PLXNA4: variants seen among roughly 807,000 people sequenced by gnomAD.
PLXNA4 encodes plexin-A4.
In PLXNA4, 44 loss-of-function variants were observed where a neutral mutation model predicts 191.8. That is an observed-to-expected ratio of 0.23 (90% CI 0.18 to 0.29). PLXNA4 has a LOEUF of 0.29. PLXNA4 is among the 10% of genes least tolerant of loss of function. The pLI is 1.00. For synonymous variants in PLXNA4, 1,082 were observed against 1,009.5 expected (o/e 1.07, Z -1.36); for missense variants, 1,800 against 2,488.8 (o/e 0.72, Z 5.89).
At chr7:132,135,684 CAG>C (rs1297414637) in intron 30 of PLXNA4, among the ~76,000 whole-genome samples, 1 of 152,206 alleles carries the variant, frequency 6.6e-6, no homozygotes, top group Non-Finnish European at 1.5e-5. Context: ...GTGAGAAAGA[CAG>C]AGAGAGCTGC....
At chr7:132,162,093 T>G (rs1335298801) in intron 24 of PLXNA4, among the ~76,000 whole-genome samples, 1 of 152,204 alleles carries the variant, frequency 6.6e-6, no homozygotes, top group African/African-American at 2.4e-5. Flanking sequence ...AAGGCTACTT[T>G]TAGCAGGTCC....
intron 4 of PLXNA4, among the ~76,000 whole-genome samples, chr7:132,261,103 G>T (rs1179920920): frequency 1.3e-5 from 2 of 152,156 alleles, no homozygotes; most frequent in African/African-American, 2.4e-5. Context: ...TTCCTTTAAT[G>T]AATACACCTA....
chr7:132,141,183 C>T (rs1240588337), intron 29 of PLXNA4, among the ~76,000 whole-genome samples: 1 of 152,126 alleles, frequency 6.6e-6, no homozygotes, highest in Admixed American at 6.5e-5. Context: ...TGCTCCTAAG[C>T]CTGGTACAAG....
intron 3 of PLXNA4, among the ~76,000 whole-genome samples, chr7:132,335,956 C>T (rs1802799547): frequency 6.6e-6 from 1 of 152,218 alleles, no homozygotes; most frequent in Non-Finnish European, 1.5e-5. Flanking sequence ...TGCTGGGCTA[C>T]TGTCTGCTGA....
At chr7:132,323,348 G>A (rs1584991753) in intron 3 of PLXNA4, among the ~76,000 whole-genome samples, 2 of 152,308 alleles carry the variant, frequency 1.3e-5, no homozygotes, top group South Asian at 4.1e-4. Flanking sequence ...AGTCCATTAG[G>A]TTTTCATTTT....
At chr7:132,321,863 C>G (rs1171841465) in intron 3 of PLXNA4, among the ~76,000 whole-genome samples, 1 of 151,940 alleles carries the variant, frequency 6.6e-6, no homozygotes, top group East Asian at 1.9e-4. Flanking sequence ...GGAGGGAAGC[C>G]TGGGTGGGGC....
chr7:132,373,424 G>A (rs530205603), intron 3 of PLXNA4, among the ~76,000 whole-genome samples: 2 of 152,290 alleles, frequency 1.3e-5, no homozygotes, highest in South Asian at 2.1e-4. Context: ...CCGTAGCTCT[G>A]GATGTGCATA....
chr7:132,564,990 C>T (rs533282210), intron 1 of PLXNA4, among the ~76,000 whole-genome samples: 138 of 152,056 alleles, frequency 9.1e-4, no homozygotes, highest in Non-Finnish European at 1.4e-3. Context: ...TTCTCCTTTC[C>T]GACCCTCTGC....
At chr7:132,237,179 ATC>A (rs1431230329) in intron 5 of PLXNA4, among the ~76,000 whole-genome samples, 1 of 152,220 alleles carries the variant, frequency 6.6e-6, no homozygotes, top group Non-Finnish European at 1.5e-5. Context: ...TATTAAAAAT[ATC>A]TTAGAAATCC....
At position 132,298,265 on chromosome 7, in the gene PLXNA4, C is replaced by A. The variant is rs763922828; in HGVS notation, c.1372-43G>T. 1.9e-6 allele frequency: 3 copies of A among 1,577,566 alleles called. No individual in the cohort carries two copies. The South Asian group carries it at 3.6e-5, about 19-fold the overall frequency. On this transcript the variant is annotated intron_variant, in intron 3 of 31. Coordinates refer to ENST00000321063, the MANE Select transcript of PLXNA4 (RefSeq NM_020911.2). ...AGAGCCAAAGTGAGTTCAGATCCTG[C>A]ACTGCCCACAGCCAAACTTCAGCCA...
chr7:132,282,740 A>G (rs1800532882), intron 4 of PLXNA4, among the ~76,000 whole-genome samples: 1 of 151,442 alleles, frequency 6.6e-6, no homozygotes, highest in Admixed American at 6.6e-5. Flanking sequence ...ATCAAAATGC[A>G]TAACACTAAA....
chr7:132,403,348 G>T (rs2117050387), intron 3 of PLXNA4, among the ~76,000 whole-genome samples: 2 of 152,346 alleles, frequency 1.3e-5, no homozygotes, highest in South Asian at 2.1e-4. Flanking sequence ...TTGAAAAAGA[G>T]AAGTCAGGCA....
At chr7:132,316,749 T>G (rs1373099347) in intron 3 of PLXNA4, among the ~76,000 whole-genome samples, 1 of 152,214 alleles carries the variant, frequency 6.6e-6, no homozygotes, top group Non-Finnish European at 1.5e-5. Context: ...CCTGTTGTTC[T>G]TACCATGCTA....
At chr7:132,621,246 GTT>G (rs373540061) in intron 2 of PLXNA4, among the ~76,000 whole-genome samples, 1 of 127,636 alleles carries the variant, frequency 7.8e-6, no homozygotes, top group South Asian at 2.5e-4. Flanking sequence ...GTTTTTTTTT[GTT>G]TTTTTTTTTT....
chr7:132,532,854 T>A (rs888353937), intron 1 of PLXNA4, among the ~76,000 whole-genome samples: 1 of 152,134 alleles, frequency 6.6e-6, no homozygotes, highest in African/African-American at 2.4e-5. Flanking sequence ...TCCTTTTTCC[T>A]CCTTCCTTCC....
rs1202005238 is a variant in PLXNA4 at position 132,127,258 on chromosome 7, T to C, written c.*3221A>G. The C allele has an allele frequency of 6.6e-6, 1 of 152,128 alleles. No homozygotes were observed. The highest frequency in any genetic ancestry group is 1.9e-4 in the East Asian group (1 of 5,172). The allele number at this position is 152,128 out of a possible 1,614,324, so 9.4% of individuals were successfully genotyped here. A position where few individuals can be genotyped will look rare whatever the true frequency, so the allele number is the denominator to read the frequency against. ...AAGTTGGAGGGGAAGGTAAGGAAGA[T>C]GGCCTTTTCTCTCCTTCTGTCTGCT... On this transcript the variant is annotated 3_prime_UTR_variant, in exon 32 of 32. Coordinates refer to ENST00000321063, the MANE Select transcript of PLXNA4 (RefSeq NM_020911.2).
At chr7:132,567,325 C>G (rs1426107152) in intron 1 of PLXNA4, among the ~76,000 whole-genome samples, 1 of 143,944 alleles carries the variant, frequency 6.9e-6, no homozygotes, top group Non-Finnish European at 1.5e-5. Flanking sequence ...CTATCAGTGC[C>G]AAAACCCATA....
chr7:132,478,033 G>C (rs1423399594), intron 3 of PLXNA4, among the ~76,000 whole-genome samples: 1 of 152,170 alleles, frequency 6.6e-6, no homozygotes, highest in African/African-American at 2.4e-5. Context: ...TTGAGGCAGG[G>C]AAGCCATCAG....
intron 13 of PLXNA4, among the ~76,000 whole-genome samples, chr7:132,198,195 T>C (rs917278259): frequency 1.3e-5 from 2 of 152,170 alleles, no homozygotes; most frequent in African/African-American, 4.8e-5. Context: ...CAGATTTTCA[T>C]TTTGTTTTGT....
Sources: gnomAD v4.1 joint callset for allele counts (sites outside exome capture counted in the v4.1 genomes callset) on GRCh38, gnomAD v4.1.1 for gene constraint, MANE v1.5 for transcripts, NCBI Gene and HGNC (gene_info 2026-07-23, HGNC 2026-07-21) for gene names.